RASAL2: variants seen among roughly 807,000 people sequenced by gnomAD.
The protein encoded by RASAL2 is RAS protein activator like 2.
A neutral mutation model predicts 128.9 loss-of-function variants in RASAL2; 58 were observed. The observed-to-expected ratio is 0.45, with a 90% CI of 0.36 to 0.56. The LOEUF (loss-of-function observed/expected upper bound fraction) is 0.56, where lower values mean the gene tolerates loss of function less well. Among genes scored for constraint, RASAL2 ranks in the 20% least tolerant of loss-of-function variants. The pLI is 0.00. For missense variants in RASAL2, 1,360 were observed against 1,601.6 expected (o/e 0.85, Z 2.57); for synonymous variants, 561 against 580.8 (o/e 0.97, Z 0.49).
At chr1:178,172,568 G>T (rs1661738734) in intron 1 of RASAL2, among the ~76,000 whole-genome samples, 1 of 151,906 alleles carries the variant, frequency 6.6e-6, no homozygotes, top group African/African-American at 2.4e-5. Flanking sequence ...AAGTAAAATT[G>T]ACATATAGTG....
chr1:178,229,279 A>G (rs955643073), intron 1 of RASAL2, among the ~76,000 whole-genome samples: 3 of 152,216 alleles, frequency 2.0e-5, no homozygotes, highest in African/African-American at 7.2e-5. Flanking sequence ...GGCCTAACCC[A>G]TAATCCACAT....
At chr1:178,296,135 ATGTG>A (rs1321786306) in intron 2 of RASAL2, among the ~76,000 whole-genome samples, 2 of 141,746 alleles carry the variant, frequency 1.4e-5, no homozygotes, top group South Asian at 4.2e-4. Context: ...GTGTATATAT[ATGTG>A]TGTGTATATA....
At chr1:178,185,412 A>G (rs1662256370) in intron 1 of RASAL2, among the ~76,000 whole-genome samples, 1 of 151,956 alleles carries the variant, frequency 6.6e-6, no homozygotes, top group Non-Finnish European at 1.5e-5. Flanking sequence ...CTTAGAGAGA[A>G]AGTGGCCAGT....
At chr1:178,421,121 A>G (rs1336946131) in intron 5 of RASAL2, among the ~76,000 whole-genome samples, 1 of 152,162 alleles carries the variant, frequency 6.6e-6, no homozygotes, top group Admixed American at 6.6e-5. Flanking sequence ...GCTAGTAAAT[A>G]GCAAAAATGG....
chr1:178,152,276 G>A (rs1660938131), intron 1 of RASAL2, among the ~76,000 whole-genome samples: 1 of 152,194 alleles, frequency 6.6e-6, no homozygotes, highest in Admixed American at 6.5e-5. Context: ...TGGTTCACAT[G>A]GAGAGGGCAT....
At chr1:178,359,701 A>G (rs1474468544) in intron 3 of RASAL2, among the ~76,000 whole-genome samples, 1 of 152,154 alleles carries the variant, frequency 6.6e-6, no homozygotes, top group Admixed American at 6.5e-5. Context: ...ACTTACTACC[A>G]TTTATTCTAT....
At chr1:178,187,024 C>T (rs1310193112) in intron 1 of RASAL2, among the ~76,000 whole-genome samples, 1 of 151,996 alleles carries the variant, frequency 6.6e-6, no homozygotes, top group African/African-American at 2.4e-5. Context: ...AGAGAAGGGT[C>T]TCTGTGTTGC....
At chr1:178,158,122 C>T (rs1208601694) in intron 1 of RASAL2, among the ~76,000 whole-genome samples, 1 of 152,162 alleles carries the variant, frequency 6.6e-6, no homozygotes, top group African/African-American at 2.4e-5. Context: ...TACTTGATTG[C>T]AAAATCACTT....
rs1271501308 is a variant in RASAL2 at position 178,441,785 on chromosome 1, A to C, written c.927+138A>C. 6.5e-6 allele frequency: 4 copies of C among 610,688 alleles called. No individual in the cohort carries two copies. The African/African-American group carries it at 7.5e-5, about 11-fold the overall frequency. The allele number at this position is 610,688 out of a possible 1,614,324, so 37.8% of individuals were successfully genotyped here. On this transcript the variant is annotated intron_variant, in intron 7 of 17. Transcript: ENST00000367649. Reference sequence around the variant, plus strand: ...CACATTTATATGTTATGCCATTTGTAGTAAGCCCTTATTATATCACCATAA... The same window carrying C: ...CACATTTATATGTTATGCCATTTGTCGTAAGCCCTTATTATATCACCATAA...
chr1:178,408,743 AAAATAAGTTAT>A (rs1674159549), intron 4 of RASAL2, among the ~76,000 whole-genome samples: 1 of 152,072 alleles, frequency 6.6e-6, no homozygotes, highest in African/African-American at 2.4e-5. Context: ...ACATATGGGG[AAAATAAGTTAT>A]GTTATAGTAC....
chr1:178,106,248 C>T (rs1227922037), intron 1 of RASAL2, among the ~76,000 whole-genome samples: 1 of 152,146 alleles, frequency 6.6e-6, no homozygotes, highest in Non-Finnish European at 1.5e-5. Context: ...TGACTGACAG[C>T]ATAAAAAATC....
At chr1:178,381,412 A>T (rs987919825) in intron 3 of RASAL2, among the ~76,000 whole-genome samples, 9 of 152,170 alleles carry the variant, frequency 5.9e-5, no homozygotes, top group Admixed American at 5.9e-4. Flanking sequence ...GATACTTAGC[A>T]GTGTGTGTTG....
intron 3 of RASAL2, among the ~76,000 whole-genome samples, chr1:178,361,010 A>T (rs1671077995): frequency 6.6e-6 from 1 of 152,246 alleles, no homozygotes; most frequent in Non-Finnish European, 1.5e-5. Flanking sequence ...TATAATATTT[A>T]AGAAGTATAG....
At chr1:178,103,992 T>C (rs893013935) in intron 1 of RASAL2, among the ~76,000 whole-genome samples, 1 of 152,122 alleles carries the variant, frequency 6.6e-6, no homozygotes, top group Admixed American at 6.5e-5. Context: ...CCCATTCTTT[T>C]TTTTTCCCCC....
intron 1 of RASAL2, among the ~76,000 whole-genome samples, chr1:178,267,647 A>C (rs1035950286): frequency 3.3e-5 from 4 of 120,716 alleles, no homozygotes; most frequent in African/African-American, 1.4e-4. Context: ...TTTGAGAGGG[A>C]GTCTTGCTCT....
chr1:178,250,037 CAGGGA>C (rs1664967322), intron 1 of RASAL2, among the ~76,000 whole-genome samples: 2 of 152,280 alleles, frequency 1.3e-5, no homozygotes, highest in African/African-American at 4.8e-5. Context: ...GCTTGGCGGT[CAGGGA>C]CCCACTTGAA....
intron 1 of RASAL2, among the ~76,000 whole-genome samples, chr1:178,251,996 G>T (rs1665075613): frequency 6.6e-6 from 1 of 152,056 alleles, no homozygotes; most frequent in South Asian, 2.1e-4. Flanking sequence ...TTTCAGATTT[G>T]CCAAATTCAT....
chr1:178,177,918 A>G (rs993309386), intron 1 of RASAL2, among the ~76,000 whole-genome samples: 45 of 152,364 alleles, frequency 3.0e-4, no homozygotes, highest in African/African-American at 1.1e-3. Flanking sequence ...TTTAGACTAG[A>G]AAAGCATTTC....
chr1:178,470,053 A>G (rs1426938960), intron 17 of RASAL2, among the ~76,000 whole-genome samples: 1 of 152,238 alleles, frequency 6.6e-6, no homozygotes, highest in African/African-American at 2.4e-5. Flanking sequence ...ATCTTATTAT[A>G]GCAAATGACT....
Sources: gnomAD v4.1 joint callset for allele counts (sites outside exome capture counted in the v4.1 genomes callset) on GRCh38, gnomAD v4.1.1 for gene constraint, MANE v1.5 for transcripts, NCBI Gene and HGNC (gene_info 2026-07-23, HGNC 2026-07-21) for gene names.